Variants in CACNA2D3 observed in about 807,000 individuals in gnomAD.
The protein encoded by CACNA2D3 is calcium voltage-gated channel auxiliary subunit alpha2delta 3.
In CACNA2D3, 60 loss-of-function variants were observed where a neutral mutation model predicts 160.6. The observed-to-expected ratio is 0.37, with a 90% CI of 0.30 to 0.46. The LOEUF is 0.46. Among genes scored for constraint, CACNA2D3 ranks in the 20% least tolerant of loss-of-function variants. The pLI is 1.00. For missense variants in CACNA2D3, 1,205 were observed against 1,365.0 expected (o/e 0.88, Z 1.85); for synonymous variants, 558 against 492.9 (o/e 1.13, Z -1.75).
chr3:54,890,563 G>T (rs1228252202), intron 24 of CACNA2D3, among the ~76,000 whole-genome samples: 1 of 151,442 alleles, frequency 6.6e-6, no homozygotes, highest in African/African-American at 2.4e-5. Flanking sequence ...AAGGCCATTT[G>T]CTTTTTGCAT....
intron 4 of CACNA2D3, among the ~76,000 whole-genome samples, chr3:54,463,967 GT>G (rs1700558876): frequency 6.6e-6 from 1 of 152,100 alleles, no homozygotes; most frequent in Admixed American, 6.6e-5. Flanking sequence ...TGTCCTTTCT[GT>G]TTGTTAGTTT....
chr3:54,522,372 A>G (rs1326596982), intron 5 of CACNA2D3, among the ~76,000 whole-genome samples: 1 of 152,050 alleles, frequency 6.6e-6, no homozygotes, highest in Admixed American at 6.6e-5. Context: ...ATTTTTATGT[A>G]TTTGTATTCT....
At chr3:54,455,691 C>A (rs1308402248) in intron 4 of CACNA2D3, among the ~76,000 whole-genome samples, 1 of 152,014 alleles carries the variant, frequency 6.6e-6, no homozygotes, top group Non-Finnish European at 1.5e-5. Flanking sequence ...TTCTTCTACT[C>A]ATTTCATAAT....
intron 4 of CACNA2D3, among the ~76,000 whole-genome samples, chr3:54,392,816 G>A (rs528577609): frequency 6.6e-6 from 1 of 152,270 alleles, no homozygotes; most frequent in African/African-American, 2.4e-5. Context: ...GAGAGAAAGG[G>A]CAGCTCAGGA....
chr3:54,995,719 C>T (rs547182852), intron 31 of CACNA2D3, among the ~76,000 whole-genome samples: 1 of 152,288 alleles, frequency 6.6e-6, no homozygotes, highest in East Asian at 1.9e-4. Flanking sequence ...ACAAAGGAAC[C>T]TGGGAAATGT....
intron 17 of CACNA2D3, among the ~76,000 whole-genome samples, chr3:54,867,475 T>C (rs1463129379): frequency 6.9e-6 from 1 of 145,836 alleles, no homozygotes; most frequent in Non-Finnish European, 1.5e-5. Context: ...GAACTAAATA[T>C]ATACAAGTTG....
At position 54,230,126 on chromosome 3, in the gene CACNA2D3, A is replaced by AT. The variant is rs1423944451; in HGVS notation, c.205-90314dup. On this transcript the variant is annotated intron_variant, in intron 2 of 37. Transcript: ENST00000474759. Reference sequence around the variant, plus strand: ...ACACACAGTGCTATTAAGTCATTTAATTGTTTTTTTTTTTTTCCATTCTGT... The same window carrying AT: ...ACACACAGTGCTATTAAGTCATTTAATTTGTTTTTTTTTTTTTCCATTCTGT... Among the ~76,000 whole-genome samples the AT allele has an allele frequency of 2.1e-5, 3 of 139,732 alleles. 1 individual carries two copies. The highest frequency in any genetic ancestry group is 2.8e-5 in the African/African-American group (1 of 35,788). The allele number at this position is 139,732 out of a possible 152,430, so 91.7% of individuals were successfully genotyped here.
intron 5 of CACNA2D3, among the ~76,000 whole-genome samples, chr3:54,562,075 A>C (rs1054622140): frequency 2.6e-5 from 4 of 152,276 alleles, no homozygotes; most frequent in African/African-American, 9.6e-5. Flanking sequence ...GGTCCCTCCC[A>C]CAACACATGG....
At chr3:55,051,790 T>C (rs358468) in intron 35 of CACNA2D3, among the ~76,000 whole-genome samples, 44,096 of 151,812 alleles carry the variant, frequency 0.29, 9,799 homozygotes, top group African/African-American at 0.63. Context: ...GAGCCAGGTG[T>C]GGGATATAAT....
chr3:54,190,954 G>A (rs187678933), intron 2 of CACNA2D3, among the ~76,000 whole-genome samples: 1 of 149,438 alleles, frequency 6.7e-6, no homozygotes, highest in Admixed American at 6.8e-5. Flanking sequence ...AAGGACCCCC[G>A]CCCCAGAACT....
intron 3 of CACNA2D3, among the ~76,000 whole-genome samples, chr3:54,342,865 CG>C (rs1171977749): frequency 6.6e-6 from 1 of 152,180 alleles, no homozygotes; most frequent in Non-Finnish European, 1.5e-5. Flanking sequence ...TCGGGCTGTG[CG>C]GGGCTTGGCA....
chr3:54,233,406 G>A (rs916237234), intron 2 of CACNA2D3, among the ~76,000 whole-genome samples: 1 of 152,180 alleles, frequency 6.6e-6, no homozygotes, highest in Admixed American at 6.5e-5. Context: ...ACCACACAGA[G>A]GGCACAGAGC....
At chr3:54,339,973 T>C (rs138253680) in intron 3 of CACNA2D3, among the ~76,000 whole-genome samples, 211 of 152,322 alleles carry the variant, frequency 1.4e-3, no homozygotes, top group African/African-American at 4.7e-3. Context: ...GCTGGAGAGT[T>C]ATTTCTTGGA....
intron 4 of CACNA2D3, among the ~76,000 whole-genome samples, chr3:54,448,161 C>G (rs1279800983): frequency 1.3e-5 from 2 of 152,172 alleles, no homozygotes; most frequent in Non-Finnish European, 2.9e-5. Flanking sequence ...CAGTGCCAGC[C>G]TCACATCCTT....
rs377398248 is a variant in CACNA2D3 at position 54,344,570 on chromosome 3, T to C, written c.321+24012T>C. On this transcript the variant is annotated intron_variant, in intron 3 of 37. Coordinates refer to ENST00000474759, the MANE Select transcript of CACNA2D3 (RefSeq NM_018398.3). ...GTTTATATTCCTCAGGCAACTTTTC[T>C]CTAGGTGGAGACAGACTCACAGGAC... is the stretch of plus-strand genomic sequence containing the variant. 1.4e-4 allele frequency among the ~76,000 whole-genome samples: 22 copies of C among 152,324 alleles called. No individual in the cohort carries two copies. In the East Asian group the frequency reaches 3.1e-3, roughly 21 times the overall value.
chr3:54,644,226 T>G (rs140798588), intron 11 of CACNA2D3, among the ~76,000 whole-genome samples: 1 of 152,236 alleles, frequency 6.6e-6, no homozygotes, highest in Non-Finnish European at 1.5e-5. Flanking sequence ...GATGCGTTCT[T>G]GGATTAATTG....
intron 3 of CACNA2D3, among the ~76,000 whole-genome samples, chr3:54,376,827 C>T (rs890826799): frequency 1.3e-5 from 2 of 152,156 alleles, no homozygotes; most frequent in Admixed American, 6.5e-5. Context: ...GGGCTGTTCC[C>T]TGGACCAACA....
intron 4 of CACNA2D3, among the ~76,000 whole-genome samples, chr3:54,464,387 C>T (rs941050651): frequency 1.3e-5 from 2 of 152,228 alleles, no homozygotes; most frequent in African/African-American, 2.4e-5. Context: ...GTGGAGCCTA[C>T]AGAGGCAGGC....
At chr3:54,570,547 G>T (rs1702479394) in intron 8 of CACNA2D3, among the ~76,000 whole-genome samples, 1 of 152,094 alleles carries the variant, frequency 6.6e-6, no homozygotes, top group African/African-American at 2.4e-5. Context: ...ACTAAAATAT[G>T]GAGAGCACTT....
Sources: allele counts gnomAD v4.1 joint callset (sites outside exome capture counted in the v4.1 genomes callset), GRCh38; gene constraint gnomAD v4.1.1; transcripts MANE v1.5; gene names NCBI Gene and HGNC (gene_info 2026-07-23, HGNC 2026-07-21).